Variants in ARHGAP11A observed in about 807,000 individuals in gnomAD.
ARHGAP11A encodes Rho GTPase activating protein 11A, also known as rho GTPase-activating protein 11A.
In ARHGAP11A, 36 loss-of-function variants were observed where a neutral mutation model predicts 60.5. The observed-to-expected ratio is 0.59, with a 90% CI of 0.46 to 0.79. The LOEUF is 0.79. Among genes scored for constraint, ARHGAP11A ranks in the 30% least tolerant of loss-of-function variants. The pLI is 0.00. For missense variants in ARHGAP11A, 1,071 were observed against 1,199.2 expected (o/e 0.89, Z 1.58); for synonymous variants, 362 against 415.5 (o/e 0.87, Z 1.57).
At position 32,636,775 on chromosome 15, in the gene ARHGAP11A, T is replaced by G. The variant is rs765716119; in HGVS notation, c.2002T>G (p.Cys668Gly). 6.2e-7 allele frequency: 1 copy of G among 1,611,588 alleles called. No homozygotes were observed. Among genetic ancestry groups the G allele is most frequent in the African/African-American group, 1.3e-5 (1 of 74,740 alleles). The change falls in exon 12 of 12, where the codon TGT becomes GGT. Residue 668 changes from cysteine to glycine, a missense_variant. Cys to Gly is a radical substitution (Grantham distance 159). This residue lies in a region of ARHGAP11A where 776 missense variants were observed against 760.2 expected (regional missense o/e 1.02). Transcript: ENST00000361627. ...YEHHTGKGEK[C>G]FSERDFSPLQ... ...ACACCACACTGGTAAAGGTGAAAAA[T>G]GTTTTTCAGAGAGGGACTTTTCACC...
At chr15:32,620,662 TTGTTC>T (rs922623810) in intron 2 of ARHGAP11A, among the ~76,000 whole-genome samples, 2 of 152,070 alleles carry the variant, frequency 1.3e-5, no homozygotes, top group Admixed American at 6.6e-5. Context: ...CAAAAAATTT[TTGTTC>T]TGTTAAGTCA....
intron 6 of ARHGAP11A, 67 bp from the exon 7 acceptor site, chr15:32,628,661 T>C: frequency 1.6e-6 from 2 of 1,257,434 alleles, no homozygotes; most frequent in Non-Finnish European, 2.2e-6. Flanking sequence ...ACTGCAAATA[T>C]TAATATGAAT....
rs2053743864 is a variant in ARHGAP11A, at chr15:32,637,355, C to T, written c.2582C>T (p.Ala861Val). The change falls in exon 12 of 12, where the codon GCG becomes GTG. Residue 861 changes from alanine to valine, a missense_variant. This residue lies in a region of ARHGAP11A where 776 missense variants were observed against 760.2 expected (regional missense o/e 1.02). Transcript: ENST00000361627. ...YSRQPTGHKL[A>V]SLGDTASPLV... ...AGACAACCTACAGGGCATAAGTTGG[C>T]GAGTCTTGGTGATACAGCTTCTCCT... The T allele has an allele frequency of 6.8e-6, 11 of 1,614,022 alleles. No individual in the cohort carries two copies. Among genetic ancestry groups the T allele is most frequent in the East Asian group, 2.2e-5 (1 of 44,886 alleles).
intron 3 of ARHGAP11A, 104 bp from the exon 4 acceptor site, chr15:32,624,069 G>T (rs932196981): frequency 1.4e-5 from 19 of 1,351,096 alleles, no homozygotes; most frequent in Admixed American, 1.1e-4. Flanking sequence ...AGAGTTAAGA[G>T]AAATTTATTA....
chr15:32,615,382 T>TTAG (rs1567045383), upstream of ARHGAP11A: 1 of 152,026 alleles, frequency 6.6e-6, no homozygotes, highest in Non-Finnish European at 1.5e-5. Context: ...CGCCCGCACT[T>TTAG]ATCTAGACAG....
In ARHGAP11A at chr15:32,625,290, A is replaced by G. The variant is rs771205970; in HGVS notation, c.715+47A>G. 11 of 1,550,098 alleles carry G rather than the reference A, an allele frequency of 7.1e-6. No homozygotes were observed. In the Admixed American group the frequency reaches 7.6e-5, roughly 11 times the overall value. ...AACAGAATTTGTTTAAATGAGGAAA[A>G]TCTCTGTTTCTTTCAAAGGAACTAT... On this transcript the variant is annotated intron_variant, in intron 5 of 11. Coordinates refer to ENST00000361627, the MANE Select transcript of ARHGAP11A (RefSeq NM_014783.6).
intron 6 of ARHGAP11A, among the ~76,000 whole-genome samples, chr15:32,626,783 C>T (rs2053468606): frequency 6.6e-6 from 1 of 152,242 alleles, no homozygotes; most frequent in Non-Finnish European, 1.5e-5. Flanking sequence ...CCTTAGCATT[C>T]CTTGGCTTGC....
rs779894377 is a variant in ARHGAP11A, at chr15:32,638,091, G to T, written c.*246G>T. 3.5e-5 allele frequency: 15 copies of T among 432,294 alleles called. No homozygotes were observed. Among genetic ancestry groups the T allele is most frequent in the Admixed American group, 8.2e-5 (2 of 24,428 alleles). 26.8% of individuals were successfully genotyped at this position (432,294 alleles called of 1,614,324 possible). ...TTTATTGTGATCTCTTAAAGCAGAGGTTAGACTTTACCTTTCTGACTCTGT... is the reference window on the plus strand; with the variant it reads ...TTTATTGTGATCTCTTAAAGCAGAGTTTAGACTTTACCTTTCTGACTCTGT... On this transcript the variant is annotated 3_prime_UTR_variant, in exon 12 of 12. Transcript: ENST00000361627.
chr15:32,617,597 G>C (rs915038046), intron 1 of ARHGAP11A, among the ~76,000 whole-genome samples: 1 of 150,438 alleles, frequency 6.6e-6, no homozygotes, highest in African/African-American at 2.4e-5. Flanking sequence ...TCAGCTTCCC[G>C]AGTAGCTGGG....
At chr15:32,629,247 T>C (rs1236030910) in intron 7 of ARHGAP11A, among the ~76,000 whole-genome samples, 1 of 145,740 alleles carries the variant, frequency 6.9e-6, no homozygotes, top group Non-Finnish European at 1.5e-5. Flanking sequence ...TACTCACTTA[T>C]GATGAAAAGC....
rs1308682908 is a variant in ARHGAP11A at position 32,638,761 on chromosome 15, A to C, written c.*916A>C. ...TATGTTCATATATTATGATGTGGAA[A>C]TAATTGATAACTTTTAAGCCATACT... On this transcript the variant is annotated 3_prime_UTR_variant, in exon 12 of 12. Coordinates refer to ENST00000361627, the MANE Select transcript of ARHGAP11A (RefSeq NM_014783.6). 6.5e-6 allele frequency: 1 copy of C among 152,678 alleles called. No homozygotes were observed. Among genetic ancestry groups the C allele is most frequent in the African/African-American group, 2.4e-5 (1 of 41,456 alleles). 9.5% of individuals were successfully genotyped at this position (152,678 alleles called of 1,614,324 possible).
rs571090423 is a variant in ARHGAP11A, at chr15:32,615,959, G to C, written c.-253G>C. The C allele has an allele frequency of 6.9e-4, 370 of 537,566 alleles. 3 individuals carry two copies. Among genetic ancestry groups the C allele is most frequent in the African/African-American group, 5.0e-3 (262 of 52,894 alleles). The allele number at this position is 537,566 out of a possible 1,614,324, so 33.3% of individuals were successfully genotyped here. Reference sequence around the variant, plus strand: ...CATTGGGTGACCAGAAAGAAGGTCGGTGTAAGTGAAGGAAGAGTGAGGTGT... The same window carrying C: ...CATTGGGTGACCAGAAAGAAGGTCGCTGTAAGTGAAGGAAGAGTGAGGTGT... On this transcript the variant is annotated 5_prime_UTR_variant, in exon 1 of 12. Transcript: ENST00000361627.
intron 1 of ARHGAP11A, 142 bp downstream of exon 1, chr15:32,616,482 C>T: frequency 1.5e-6 from 2 of 1,332,494 alleles, no homozygotes; most frequent in African/African-American, 1.5e-5. Context: ...TGGTCGATTG[C>T]TGATATTTAA....
At chr15:32,617,455 C>T (rs1186929174) in intron 1 of ARHGAP11A, among the ~76,000 whole-genome samples, 1 of 141,702 alleles carries the variant, frequency 7.1e-6, no homozygotes, top group Non-Finnish European at 1.5e-5. Context: ...TTTTTCACCC[C>T]TTTTCTTTTC....
chr15:32,637,976 C>T lies in ARHGAP11A; in HGVS notation c.*131C>T. ...TAGATTTGCTCTATTGAAAATGTTT[C>T]ATTTTTTTCACTGTACAAGCAACTT... On this transcript the variant is annotated 3_prime_UTR_variant, in exon 12 of 12. Coordinates refer to ENST00000361627, the MANE Select transcript of ARHGAP11A (RefSeq NM_014783.6). The T allele has an allele frequency of 1.2e-6, 1 of 841,112 alleles. No individual in the cohort carries two copies. The highest frequency in any genetic ancestry group is 2.7e-5 in the East Asian group (1 of 36,404). The allele number at this position is 841,112 out of a possible 1,614,324, so 52.1% of individuals were successfully genotyped here. A position where few individuals can be genotyped will look rare whatever the true frequency, so the allele number is the denominator to read the frequency against.
Position 32,637,266 on chromosome 15 carries a change from T to G in ARHGAP11A, c.2493T>G (p.Leu831=), listed in dbSNP as rs373558097. The change falls in exon 12 of 12, where the codon CTT becomes CTG. Residue 831 remains leucine, a synonymous_variant. Transcript: ENST00000361627. ...ATAGAATAAAAGTCAAGTCACCTCT[T>G]AAGTTTCAGCGTACTCCTGTTCGTC... ...EPNRIKVKSP[L]KFQRTPVRQS... is the part of the protein sequence containing the mutation. 98 of 1,614,150 alleles carry G rather than the reference T, an allele frequency of 6.1e-5. No individual in the cohort carries two copies. The African/African-American group carries it at 1.2e-3, about 19-fold the overall frequency.
At chr15:32,630,090 C>T (rs1449456712) in intron 8 of ARHGAP11A, among the ~76,000 whole-genome samples, 2 of 108,134 alleles carry the variant, frequency 1.8e-5, no homozygotes, top group South Asian at 3.2e-4. Flanking sequence ...GCTATAGTTA[C>T]ATCTGGGTCT....
rs576635879 is a variant in ARHGAP11A at position 32,618,239 on chromosome 15, G to C, written c.130-1869G>C. ...ACATTTTATGAGATTAAATTATAGTGGTTACTTGTGAGGCCAGTTATTCTA... is the reference window on the plus strand; with the variant it reads ...ACATTTTATGAGATTAAATTATAGTCGTTACTTGTGAGGCCAGTTATTCTA... On this transcript the variant is annotated intron_variant, in intron 1 of 11. Transcript: ENST00000361627. Among the ~76,000 whole-genome samples, 165 of 151,912 alleles carry C rather than the reference G, an allele frequency of 1.1e-3. 3 individuals carry two copies. The highest frequency in any genetic ancestry group is 2.5e-4 in the Non-Finnish European group (17 of 68,008).
In ARHGAP11A at chr15:32,633,961, T is replaced by C. The variant is rs200219557; in HGVS notation, c.1264T>C (p.Ser422Pro). 108 of 1,604,026 alleles carry C rather than the reference T, an allele frequency of 6.7e-5. No individual in the cohort carries two copies. Among genetic ancestry groups the C allele is most frequent in the Non-Finnish European group, 8.7e-5 (102 of 1,177,234 alleles). ...RVESGKAGCF[S>P]PKISHKEKVR... ...GGAATCAGGAAAAGCAGGCTGCTTT[T>C]CTCCTAAAATCAGCCATAAAGAAAA... Residue 422 changes from serine (S) to proline (P), a missense_variant, in exon 10 of 12, where the codon TCT becomes CCT. Coordinates refer to ENST00000361627, the MANE Select transcript of ARHGAP11A (RefSeq NM_014783.6).
Sources: allele counts gnomAD v4.1 joint callset (sites outside exome capture counted in the v4.1 genomes callset), GRCh38; gene constraint gnomAD v4.1.1; regional missense constraint gnomAD v4.1.1; transcripts MANE v1.5; gene names NCBI Gene and HGNC (gene_info 2026-07-23, HGNC 2026-07-21).